The following SPATA18 variants were observed in gnomAD, a reference collection of about 807,000 sequenced individuals.
SPATA18 encodes mitochondria-eating protein.
SPATA18 carries 54 observed loss-of-function variants against 68.1 expected under a neutral mutation model. The ratio of observed to expected loss-of-function variants is 0.79; its 90% CI spans 0.64 to 0.99. The LOEUF (loss-of-function observed/expected upper bound fraction) is 0.99, where lower values mean the gene tolerates loss of function less well. Ranked by LOEUF, SPATA18 falls within the 50% of genes least tolerant of loss-of-function variation. The probability of loss-of-function intolerance (pLI) is 0.00; values close to 1 mark genes in which losing one functional copy is unlikely to be tolerated. For missense variants in SPATA18, 724 were observed against 681.1 expected, an observed-to-expected ratio of 1.06 and a Z score of -0.70; for synonymous variants, 242 against 244.8, an observed-to-expected ratio of 0.99 and a Z score of 0.11.
Position 52,072,145 on chromosome 4 carries a change from A to G in SPATA18, c.747A>G (p.Ala249=), listed in dbSNP as rs757301522. 10 of 1,613,792 alleles carry G rather than the reference A, an allele frequency of 6.2e-6. No homozygotes were observed. Among genetic ancestry groups the G allele is most frequent in the Non-Finnish European group, 8.5e-6 (10 of 1,179,922 alleles). Residue 249 remains alanine (A), a synonymous_variant, in exon 6 of 13, where the codon GCA becomes GCG. Coordinates refer to ENST00000295213, the MANE Select transcript of SPATA18 (RefSeq NM_145263.4). ...EIAVLSAEKS[A]LQGRSSRSRS... is the part of the protein sequence containing the mutation. ...CTGTTCTGTCTGCTGAGAAAAGTGCACTCCAAGGAAGGTCAGACAAACTCT... is the reference window on the plus strand; with the variant it reads ...CTGTTCTGTCTGCTGAGAAAAGTGCGCTCCAAGGAAGGTCAGACAAACTCT...
chr4:52,054,898 A>G (rs900003708), intron 1 of SPATA18, among the ~76,000 whole-genome samples: 1 of 151,508 alleles, frequency 6.6e-6, no homozygotes, highest in Non-Finnish European at 1.5e-5. Flanking sequence ...GACAATTAGA[A>G]CATGGTTGAT....
At chr4:52,070,043 T>G in intron 5 of SPATA18, 127 bp downstream of exon 5, 2 of 178,354 alleles carry the variant, frequency 1.1e-5, no homozygotes, top group Non-Finnish European at 9.6e-6. Flanking sequence ...TTATTAATTA[T>G]ATATATATAT....
Position 52,082,435 on chromosome 4 carries a change from TCAC to T in SPATA18, c.1405_1407del (p.His469del). On this transcript the variant is annotated inframe_deletion, in exon 10 of 13. Transcript: ENST00000295213. ...ATTTCACTGCTCCCTTAGTCCTCTA[TCAC>T]GTGTGGCCTGCTCTCATGGAGAATG... 3 of 1,614,156 alleles carry T rather than the reference TCAC, an allele frequency of 1.9e-6. No homozygotes were observed. Among genetic ancestry groups the T allele is most frequent in the Non-Finnish European group, 2.5e-6 (3 of 1,180,006 alleles).
chr4:52,088,485 A>G (rs1489450582), intron 11 of SPATA18, among the ~76,000 whole-genome samples: 1 of 152,122 alleles, frequency 6.6e-6, no homozygotes, highest in East Asian at 1.9e-4. Flanking sequence ...TTTAGCATGA[A>G]GGCGTGTGGA....
rs1383992130 is a variant in SPATA18, at chr4:52,094,529, G to A, written c.1566G>A (p.Met522Ile). Residue 522 changes from methionine (M) to isoleucine (I), a missense_variant and splice_region_variant, in exon 12 of 13, where the codon ATG (methionine) becomes ATA (isoleucine). Transcript: ENST00000295213. ...CATTATTCTTTTATATTTTCCAGAT[G>A]TCTCGAAGTCGGAGTCCTTCTCCAA... is the stretch of plus-strand genomic sequence containing the variant. ...CPRSQIGLNT[M>I]SRSRSPSPIR... The A allele has an allele frequency of 6.2e-7, 1 of 1,612,938 alleles. No homozygotes were observed. Among genetic ancestry groups the A allele is most frequent in the African/African-American group, 1.3e-5 (1 of 75,016 alleles).
intron 1 of SPATA18, among the ~76,000 whole-genome samples, chr4:52,055,941 A>G (rs1259067429): frequency 2.0e-5 from 3 of 152,192 alleles, no homozygotes; most frequent in African/African-American, 7.2e-5. Flanking sequence ...TCTCCATAAA[A>G]TTTCTTGAGA....
intron 1 of SPATA18, among the ~76,000 whole-genome samples, chr4:52,056,654 C>A (rs1017212386): frequency 5.9e-5 from 9 of 152,048 alleles, no homozygotes; most frequent in African/African-American, 1.9e-4. Context: ...ATCGGTGGGA[C>A]CTTTACTGGC....
chr4:52,057,366 G>C (rs1260661951), intron 1 of SPATA18, among the ~76,000 whole-genome samples: 1 of 152,136 alleles, frequency 6.6e-6, no homozygotes, highest in Non-Finnish European at 1.5e-5. Context: ...CTAGAATAAT[G>C]TGACCCTATT....
chr4:52,056,462 G>T, intron 1 of SPATA18, among the ~76,000 whole-genome samples: 1 of 152,202 alleles, frequency 6.6e-6, no homozygotes, highest in Non-Finnish European at 1.5e-5. Flanking sequence ...TGTATATAAA[G>T]CTCTTAGCAC....
intron 3 of SPATA18, 30 bp from the exon 4 acceptor site, chr4:52,062,190 T>A: frequency 9.8e-7 from 1 of 1,024,736 alleles, no homozygotes; most frequent in Non-Finnish European, 1.4e-6. Flanking sequence ...CAGACTGTTT[T>A]TTTTTTTTTT....
Position 52,060,835 on chromosome 4 carries a change from G to A in SPATA18, c.247G>A (p.Glu83Lys). 1 of 1,614,024 alleles carries A rather than the reference G, an allele frequency of 6.2e-7. No individual in the cohort carries two copies. Among genetic ancestry groups the A allele is most frequent in the African/African-American group, 1.3e-5 (1 of 75,012 alleles). The stretch of plus-strand genomic sequence containing the variant: ...CAAGTCACGCCTTTTGCCTTGGCTG[G>A]AGGCTTCCTTTACTGCTGCTTCCCT... ...TIKSRLLPWL[E>K]ASFTAASLGK... is the part of the protein sequence containing the mutation. Residue 83 changes from glutamate (E) to lysine (K), a missense_variant, in exon 3 of 13, where the codon GAG becomes AAG. By Grantham distance (56) the Glu-to-Lys change is moderately conservative. Transcript: ENST00000295213.
chr4:52,070,533 G>T (rs1739720733), intron 5 of SPATA18, among the ~76,000 whole-genome samples: 7 of 148,870 alleles, frequency 4.7e-5, no homozygotes, highest in Admixed American at 4.1e-4. Context: ...GGGGACTGTT[G>T]TGGGGTAGGG....
rs1209668973 is a variant in SPATA18 at position 52,051,655 on chromosome 4, T to TC, written c.-44dup. ...CGGTCCTGCGGAGGCCACCGCCTGG[T>TC]CCCCCCAAGTCTCCATCGCGCAGCG... On this transcript the variant is annotated 5_prime_UTR_variant, in exon 1 of 13. Coordinates refer to ENST00000295213, the MANE Select transcript of SPATA18 (RefSeq NM_145263.4). 1.3e-6 allele frequency: 2 copies of TC among 1,575,658 alleles called. No homozygotes were observed. The highest frequency in any genetic ancestry group is 1.7e-6 in the Non-Finnish European group (2 of 1,145,330).
At chr4:52,090,569 G>T (rs891198945) in intron 11 of SPATA18, among the ~76,000 whole-genome samples, 3 of 152,102 alleles carry the variant, frequency 2.0e-5, no homozygotes, top group African/African-American at 7.2e-5. Context: ...TGAAATTCTG[G>T]GTTAAAAATT....
rs1741286191 is a variant in SPATA18, at chr4:52,084,932, C to T, written c.1496C>T (p.Ser499Phe). Reference sequence around the variant, plus strand: ...TTTTTTAAGTGGAATTCGGTGCGATCTGTAAGTCGTTGTCGAAGCAGGAGT... The same window carrying T: ...TTTTTTAAGTGGAATTCGGTGCGATTTGTAAGTCGTTGTCGAAGCAGGAGT... ...RRGAFWNSVR[S>F]VSRCRSRSLS... Residue 499 changes from serine (S) to phenylalanine (F), a missense_variant, in exon 11 of 13, where the codon TCT (serine) becomes TTT (phenylalanine). Physicochemically the swap from Ser to Phe is radical, Grantham distance 155. Coordinates refer to ENST00000295213, the MANE Select transcript of SPATA18 (RefSeq NM_145263.4). 1.2e-6 allele frequency: 2 copies of T among 1,613,886 alleles called. No homozygotes were observed. Among genetic ancestry groups the T allele is most frequent in the South Asian group, 1.1e-5 (1 of 91,078 alleles).
chr4:52,063,148 C>A (rs528630439), intron 4 of SPATA18, among the ~76,000 whole-genome samples: 10 of 152,126 alleles, frequency 6.6e-5, no homozygotes, highest in African/African-American at 2.4e-4. Context: ...GAAAGGAAAT[C>A]TTTTTTTAAA....
At chr4:52,079,656 C>G in intron 8 of SPATA18, 88 bp from the exon 9 acceptor site, 1 of 1,435,110 alleles carries the variant, frequency 7.0e-7, no homozygotes, top group Non-Finnish European at 9.5e-7. Context: ...TCTCTTTTCC[C>G]ACCTCCCATC....
chr4:52,094,244 T>C (rs1202120709), intron 11 of SPATA18, among the ~76,000 whole-genome samples: 1 of 152,192 alleles, frequency 6.6e-6, no homozygotes, highest in African/African-American at 2.4e-5. Flanking sequence ...TAGCTTTAAT[T>C]TGTGAGTTTT....
chr4:52,095,883 T>G lies in SPATA18; in HGVS notation c.*996T>G, dbSNP rs1038686227. The G allele has an allele frequency of 6.6e-6, 1 of 152,214 alleles. No homozygotes were observed. The highest frequency in any genetic ancestry group is 1.9e-4 in the East Asian group (1 of 5,198). 9.4% of individuals were successfully genotyped at this position (152,214 alleles called of 1,614,324 possible). A position where few individuals can be genotyped will look rare whatever the true frequency, so the allele number is the denominator to read the frequency against. ...GTCAAATACTTTTGAAACTTCACGT[T>G]CAAGATAAGAATGGAATGTTGCTTT... On this transcript the variant is annotated 3_prime_UTR_variant, in exon 13 of 13. Coordinates refer to ENST00000295213, the MANE Select transcript of SPATA18 (RefSeq NM_145263.4).
Sources: gnomAD v4.1 joint callset for allele counts (sites outside exome capture counted in the v4.1 genomes callset) on GRCh38, gnomAD v4.1.1 for gene constraint, MANE v1.5 for transcripts, NCBI Gene and HGNC (gene_info 2026-07-23, HGNC 2026-07-21) for gene names.